The following TRABD2B variants were observed in gnomAD, a reference collection of about 807,000 sequenced individuals.
TRABD2B encodes metalloprotease TIKI2.
A neutral mutation model predicts 40.1 loss-of-function variants in TRABD2B; 14 were observed. The observed-to-expected ratio is 0.35, with a 90% CI of 0.23 to 0.55. The LOEUF (loss-of-function observed/expected upper bound fraction) is 0.55, where lower values mean the gene tolerates loss of function less well. Ranked by LOEUF, TRABD2B falls within the 20% of genes least tolerant of loss-of-function variation. The pLI is 0.90. For missense variants in TRABD2B, 541 were observed against 648.6 expected (o/e 0.83, Z 1.80); for synonymous variants, 263 against 277.0 (o/e 0.95, Z 0.50).
Position 47,994,155 on chromosome 1 carries a change from C to G in TRABD2B, c.545G>C (p.Gly182Ala). 1.3e-6 allele frequency: 2 copies of G among 1,536,620 alleles called. No homozygotes were observed. Residue 182 changes from glycine to alanine, a missense_variant, in exon 2 of 7, where the codon GGT (glycine) becomes GCT (alanine). Physicochemically the swap from Gly to Ala is moderately conservative, Grantham distance 60 (BLOSUM62 0). This residue lies in a region of TRABD2B where 369 missense variants were observed against 492.8 expected (regional missense o/e 0.75). Transcript: ENST00000606738. The surrounding 1 kb of genome is among the most constrained non-coding windows in gnomAD (Gnocchi z 6.7). Reference sequence around the variant, plus strand: ...CAGGTAGAGGTCGAGCACGGGCACACCACGGAAGCGCACGTCCCTCTCTGT... The same window carrying G: ...CAGGTAGAGGTCGAGCACGGGCACAGCACGGAAGCGCACGTCCCTCTCTGT... ...SLTERDVRFR[G>A]VPVLDLYLAQ... is the part of the protein sequence containing the mutation.
At chr1:47,840,313 G>GT (rs1341503702) in intron 2 of TRABD2B, among the ~76,000 whole-genome samples, 1 of 152,180 alleles carries the variant, frequency 6.6e-6, no homozygotes, top group Admixed American at 6.5e-5. Context: ...CCAGAGGTAC[G>GT]TATCATCCTT....
intron 2 of TRABD2B, among the ~76,000 whole-genome samples, chr1:47,923,498 G>A (rs1350726147): frequency 6.6e-6 from 1 of 152,180 alleles, no homozygotes; most frequent in Non-Finnish European, 1.5e-5. Flanking sequence ...CTTGGGAAAG[G>A]ATGGCTGAGA....
intron 2 of TRABD2B, among the ~76,000 whole-genome samples, chr1:47,836,091 AT>A (rs1254326653): frequency 3.3e-5 from 5 of 152,238 alleles, no homozygotes; most frequent in Non-Finnish European, 7.3e-5. Flanking sequence ...CATTAAGTTG[AT>A]ATTAATATGA....
At chr1:47,970,143 C>A (rs1476631352) in intron 2 of TRABD2B, among the ~76,000 whole-genome samples, 1 of 151,948 alleles carries the variant, frequency 6.6e-6, no homozygotes, top group Non-Finnish European at 1.5e-5. Context: ...TTTCCAAGTC[C>A]TTGTTATCAA....
chr1:47,952,900 G>A (rs781672903), intron 2 of TRABD2B, among the ~76,000 whole-genome samples: 1 of 152,056 alleles, frequency 6.6e-6, no homozygotes, highest in Non-Finnish European at 1.5e-5. Context: ...GGGTCTTCTC[G>A]ACTATCAGCT....
At chr1:47,853,297 C>T (rs902671966) in intron 2 of TRABD2B, among the ~76,000 whole-genome samples, 1 of 152,182 alleles carries the variant, frequency 6.6e-6, no homozygotes, top group Non-Finnish European at 1.5e-5. Context: ...CTAGCAGTGG[C>T]CCGAATTAGC....
rs146196345 is a variant in TRABD2B at position 47,775,419 on chromosome 1, G to A, written c.1100C>T (p.Ala367Val). The A allele has an allele frequency of 3.6e-5, 44 of 1,235,342 alleles. No individual in the cohort carries two copies. The highest frequency in any genetic ancestry group is 2.0e-4 in the African/African-American group (13 of 64,508). The allele number at this position is 1,235,342 out of a possible 1,614,324, so 76.5% of individuals were successfully genotyped here. A position where few individuals can be genotyped will look rare whatever the true frequency, so the allele number is the denominator to read the frequency against. ...CGTCGAGGTCCCCTCAGGAGAGGGC[G>A]CTGGGCTCTGGGGGGCAGGGCTGGA... Reference protein sequence around the residue: ...AIHSPAPQSPAPSPEGTSTSP... With the variant: ...AIHSPAPQSPVPSPEGTSTSP... The change falls in exon 6 of 7, where the codon GCG becomes GTG. Residue 367 changes from alanine to valine, a missense_variant. By Grantham distance (64) the Ala-to-Val change is moderately conservative. Transcript: ENST00000606738.
intron 2 of TRABD2B, among the ~76,000 whole-genome samples, chr1:47,833,992 C>T (rs568266678): frequency 6.6e-6 from 1 of 152,320 alleles, no homozygotes; most frequent in Non-Finnish European, 1.5e-5. Flanking sequence ...TACCCATACG[C>T]CTTCTGCAGT....
Position 47,765,680 on chromosome 1 carries a change from C to T in TRABD2B, c.*222G>A, listed in dbSNP as rs973466180. Reference sequence around the variant, plus strand: ...ACATTTTTCTTTTTTAATATGGACACGTATTTTACAAAAGAGCCCCATAGC... The same window carrying T: ...ACATTTTTCTTTTTTAATATGGACATGTATTTTACAAAAGAGCCCCATAGC... On this transcript the variant is annotated 3_prime_UTR_variant, in exon 7 of 7. Coordinates refer to ENST00000606738, the MANE Select transcript of TRABD2B (RefSeq NM_001194986.2). 1.7e-5 allele frequency: 10 copies of T among 599,610 alleles called. No individual in the cohort carries two copies. The highest frequency in any genetic ancestry group is 3.7e-5 in the African/African-American group (2 of 53,812). 37.1% of individuals were successfully genotyped at this position (599,610 alleles called of 1,614,324 possible). A position where few individuals can be genotyped will look rare whatever the true frequency, so the allele number is the denominator to read the frequency against.
intron 2 of TRABD2B, among the ~76,000 whole-genome samples, chr1:47,817,023 C>T (rs1236631030): frequency 6.6e-6 from 1 of 152,078 alleles, no homozygotes; most frequent in Non-Finnish European, 1.5e-5. Context: ...TACTCATTCT[C>T]GTATCCCAGT....
At chr1:47,888,572 A>G (rs1644404440) in intron 2 of TRABD2B, among the ~76,000 whole-genome samples, 1 of 152,170 alleles carries the variant, frequency 6.6e-6, no homozygotes, top group African/African-American at 2.4e-5. Context: ...TCTGTAGGGA[A>G]AATTCTCTTG....
chr1:47,821,997 A>G (rs772930190), intron 2 of TRABD2B, among the ~76,000 whole-genome samples: 2 of 152,178 alleles, frequency 1.3e-5, no homozygotes, highest in African/African-American at 4.8e-5. Flanking sequence ...TCTCGTAGAC[A>G]TTCACACAGA....
intron 2 of TRABD2B, among the ~76,000 whole-genome samples, chr1:47,889,738 G>A (rs576876178): frequency 6.6e-6 from 1 of 152,280 alleles, no homozygotes; most frequent in Admixed American, 6.5e-5. Context: ...CCAGTCCTTG[G>A]CCCCTGAGGC....
rs1045733574 is a variant in TRABD2B at position 47,878,036 on chromosome 1, C to T, written c.667-76417G>A. On this transcript the variant is annotated intron_variant, in intron 2 of 6. Coordinates refer to ENST00000606738, the MANE Select transcript of TRABD2B (RefSeq NM_001194986.2). ...AAAAAAAAAAGAACGTGTTTGTGGTCGGGCACGGTGGCTTACGCCTGTAAT... is the reference window on the plus strand; with the variant it reads ...AAAAAAAAAAGAACGTGTTTGTGGTTGGGCACGGTGGCTTACGCCTGTAAT... Among the ~76,000 whole-genome samples the T allele has an allele frequency of 2.4e-4, 36 of 151,110 alleles. 1 individual carries two copies. Among genetic ancestry groups the T allele is most frequent in the Admixed American group, 9.9e-4 (15 of 15,194 alleles).
chr1:47,769,961 A>AAATCAC, intron 6 of TRABD2B, among the ~76,000 whole-genome samples: 1 of 152,324 alleles, frequency 6.6e-6, no homozygotes, highest in Middle Eastern at 3.4e-3. Flanking sequence ...CCCAAGGCAG[A>AAATCAC]AAGCAAGGCT....
intron 2 of TRABD2B, chr1:47,818,235 GA>G (rs1645061466): frequency 6.6e-6 from 1 of 152,480 alleles, no homozygotes. Flanking sequence ...GGCAAATGGG[GA>G]CGTGATGCCC....
chr1:47,798,074 G>C (rs2124251834), intron 3 of TRABD2B, among the ~76,000 whole-genome samples: 1 of 152,304 alleles, frequency 6.6e-6, no homozygotes, highest in East Asian at 1.9e-4. Flanking sequence ...GTTGGGCTAG[G>C]GGGCCTGAGA....
At chr1:47,831,129 C>T (rs1197685492) in intron 2 of TRABD2B, among the ~76,000 whole-genome samples, 1 of 152,136 alleles carries the variant, frequency 6.6e-6, no homozygotes, top group South Asian at 2.1e-4. Context: ...GTCTCCTATC[C>T]CCATGGCTGG....
At chr1:47,969,367 G>C (rs1645648350) in intron 2 of TRABD2B, among the ~76,000 whole-genome samples, 2 of 152,152 alleles carry the variant, frequency 1.3e-5, no homozygotes. Context: ...CTGTCCCCCA[G>C]GTGCCATCCT....
Sources: gnomAD v4.1 joint callset for allele counts (sites outside exome capture counted in the v4.1 genomes callset) on GRCh38, gnomAD v4.1.1 for gene constraint, gnomAD v4.1.1 regional missense constraint, Gnocchi (gnomAD v3.1) non-coding constraint, MANE v1.5 for transcripts, NCBI Gene and HGNC (gene_info 2026-07-23, HGNC 2026-07-21) for gene names.